PCDHA3: variants seen among roughly 807,000 people sequenced by gnomAD.
PCDHA3 encodes the protein protocadherin alpha-3.
PCDHA3 carries 41 observed loss-of-function variants against 62.2 expected under a neutral mutation model. The observed-to-expected ratio is 0.66, with a 90% CI of 0.51 to 0.86. The LOEUF (loss-of-function observed/expected upper bound fraction) is 0.86. PCDHA3 is among the 40% of genes least tolerant of loss of function. The probability of loss-of-function intolerance (pLI) is 0.00; values close to 1 mark genes in which losing one functional copy is unlikely to be tolerated. For missense variants in PCDHA3, 1,304 were observed against 1,241.2 expected (o/e 1.05, Z -0.76); for synonymous variants, 640 against 555.4 (o/e 1.15, Z -2.14).
chr5:140,838,939 AAAAT>A lies in PCDHA3; in HGVS notation c.2394+35352_2394+35355del, dbSNP rs140008993. 4.7e-3 allele frequency among the ~76,000 whole-genome samples: 708 copies of A among 152,118 alleles called. 10 individuals are homozygous for A. The highest frequency in any genetic ancestry group is 5.1e-3 in the Non-Finnish European group (345 of 67,986). ...CAAAAATAAAATAAAATGAAATAATAAAATAAAATAAAATAAAAACCCAGAACTG... is the reference window on the plus strand; with the variant it reads ...CAAAAATAAAATAAAATGAAATAATAAAAATAAAATAAAAACCCAGAACTG... On this transcript the variant is annotated intron_variant, in intron 1 of 3. Coordinates refer to ENST00000522353, the MANE Select transcript of PCDHA3 (RefSeq NM_018906.3).
chr5:140,813,435 TA>T (rs1765294823), intron 1 of PCDHA3: 1 of 152,198 alleles, frequency 6.6e-6, no homozygotes, highest in South Asian at 2.1e-4. Flanking sequence ...CTGAATACTA[TA>T]GGGAATTGTA....
Position 140,870,628 on chromosome 5 carries a change from G to A in PCDHA3, c.2394+67037G>A. The A allele has an allele frequency of 4.3e-6, 7 of 1,613,050 alleles. No individual in the cohort carries two copies. The highest frequency in any genetic ancestry group is 5.9e-6 in the Non-Finnish European group (7 of 1,179,794). Reference sequence around the variant, plus strand: ...CCGCGCGCTGTCGAGCTACGTGTCGGTGCACGCGGAGAGCGGCAAGGTGTA... The same window carrying A: ...CCGCGCGCTGTCGAGCTACGTGTCGATGCACGCGGAGAGCGGCAAGGTGTA... On this transcript the variant is annotated intron_variant, in intron 1 of 3. Transcript: ENST00000522353.
chr5:140,827,237 T>G (rs2150146778), intron 1 of PCDHA3, among the ~76,000 whole-genome samples: 1 of 152,254 alleles, frequency 6.6e-6, no homozygotes, highest in South Asian at 2.1e-4. Flanking sequence ...GGGACAGGGT[T>G]GAAGTTGAGA....
At chr5:140,870,993 A>G in intron 1 of PCDHA3, 1 of 1,613,424 alleles carries the variant, frequency 6.2e-7, no homozygotes, top group South Asian at 1.1e-5. Context: ...CGGGCGAGAT[A>G]AGCACAACGC....
rs782398517 is a variant in PCDHA3 at position 140,857,600 on chromosome 5, G to T, written c.2394+54009G>T. 9 of 1,596,344 alleles carry T rather than the reference G, an allele frequency of 5.6e-6. No homozygotes were observed. Among genetic ancestry groups the T allele is most frequent in the Non-Finnish European group, 7.7e-6 (9 of 1,167,692 alleles). On this transcript the variant is annotated intron_variant, in intron 1 of 3. Transcript: ENST00000522353. ...GCACGCGGAGAGCGGCAAGGTGTAC[G>T]CGCTGCAGCCGCTGGACCACGAGGA...
intron 3 of PCDHA3, among the ~76,000 whole-genome samples, chr5:140,982,826 T>C (rs193172264): frequency 1.1e-3 from 157 of 141,010 alleles, no homozygotes; most frequent in African/African-American, 3.0e-3. Context: ...GTTTTTGGGG[T>C]TTGTTTGTTT....
intron 1 of PCDHA3, among the ~76,000 whole-genome samples, chr5:140,819,220 C>T (rs1359956412): frequency 2.6e-5 from 4 of 152,084 alleles, no homozygotes; most frequent in Non-Finnish European, 5.9e-5. Flanking sequence ...TATACAATTG[C>T]TTCAACATTT....
At chr5:140,968,355 G>A in intron 1 of PCDHA3, 1 of 1,614,080 alleles carries the variant, frequency 6.2e-7, no homozygotes, top group South Asian at 1.1e-5. Context: ...GCCAGTGGCA[G>A]CCTTTATGCT....
chr5:140,826,656 C>T (rs1769003622), intron 1 of PCDHA3, among the ~76,000 whole-genome samples: 1 of 151,930 alleles, frequency 6.6e-6, no homozygotes, highest in East Asian at 1.9e-4. Context: ...AACATTTTTG[C>T]AAGTAAATTG....
At chr5:140,823,503 G>A in intron 1 of PCDHA3, 1 of 1,613,406 alleles carries the variant, frequency 6.2e-7, no homozygotes, top group South Asian at 1.1e-5. Flanking sequence ...GCGGCGCAGT[G>A]AGCGAGCTGG....
rs1554150153 is a variant in PCDHA3 at position 140,857,511 on chromosome 5, T to C, written c.2394+53920T>C. 5 of 1,598,148 alleles carry C rather than the reference T, an allele frequency of 3.1e-6. No homozygotes were observed. In the South Asian group the frequency reaches 5.5e-5, roughly 18 times the overall value. On this transcript the variant is annotated intron_variant, in intron 1 of 3. Transcript: ENST00000522353. ...GACGCGGACGCGCAGGAGAACGCCC[T>C]GGTGTCCTACTCTCTGGTGGAGCGG...
chr5:140,941,218 T>TCTTTCTTC, intron 1 of PCDHA3, among the ~76,000 whole-genome samples: 1 of 125,730 alleles, frequency 8.0e-6, no homozygotes, highest in African/African-American at 3.3e-5. Context: ...TTTCTTCCTT[T>TCTTTCTTC]CTTTCTTTCT....
intron 2 of PCDHA3, among the ~76,000 whole-genome samples, chr5:140,981,682 C>T (rs2096944253): frequency 6.6e-6 from 1 of 151,668 alleles, no homozygotes; most frequent in South Asian, 2.1e-4. Flanking sequence ...TCCTTCCTCC[C>T]TTCCATCATT....
chr5:140,927,401 G>A lies in PCDHA3; in HGVS notation c.2395-51548G>A, dbSNP rs782140870. On this transcript the variant is annotated intron_variant, in intron 1 of 3. Transcript: ENST00000522353. ...AGCCTAAGCCCCAGTCAGCACTTTCGCCTGGACATGGGATCGCGGGTTGAC... is the reference window on the plus strand; with the variant it reads ...AGCCTAAGCCCCAGTCAGCACTTTCACCTGGACATGGGATCGCGGGTTGAC... The A allele has an allele frequency of 1.9e-6, 3 of 1,614,192 alleles. No homozygotes were observed. Among genetic ancestry groups the A allele is most frequent in the Non-Finnish European group, 2.5e-6 (3 of 1,180,036 alleles).
chr5:140,841,942 G>A (rs782585839), intron 1 of PCDHA3: 15 of 1,613,920 alleles, frequency 9.3e-6, no homozygotes, highest in East Asian at 2.2e-5. Context: ...ACGCTCCTGC[G>A]CACCACTTAT....
At chr5:140,962,564 G>A (rs1224952009) in intron 1 of PCDHA3, among the ~76,000 whole-genome samples, 2 of 152,124 alleles carry the variant, frequency 1.3e-5, no homozygotes, top group Non-Finnish European at 2.9e-5. Context: ...CCCCCTAAAA[G>A]CCAATTGTTA....
chr5:140,850,745 C>T, intron 1 of PCDHA3: 1 of 1,597,954 alleles, frequency 6.3e-7, no homozygotes. Context: ...GTTGGTCGTA[C>T]TCGCAGCAGA....
In PCDHA3 at chr5:140,984,898, A is replaced by G. The variant is rs551340383; in HGVS notation, c.2542+2335A>G. ...GTTACCATGAGAACTAAAGGAGAAA[A>G]AAAGAACTGAGCATAGTGCTTGACA... On this transcript the variant is annotated intron_variant, in intron 3 of 3. Transcript: ENST00000522353. Among the ~76,000 whole-genome samples, 21 of 152,282 alleles carry G rather than the reference A, an allele frequency of 1.4e-4. No individual in the cohort carries two copies. The South Asian group carries it at 4.4e-3, about 32-fold the overall frequency.
chr5:140,808,971 G>T (rs1441304336), intron 1 of PCDHA3: 2 of 1,613,598 alleles, frequency 1.2e-6, no homozygotes, highest in African/African-American at 1.3e-5. Context: ...GCAAAGGTGC[G>T]CGCGGTGGAT....
Sources: gnomAD v4.1 joint callset for allele counts (sites outside exome capture counted in the v4.1 genomes callset) on GRCh38, gnomAD v4.1.1 for gene constraint, MANE v1.5 for transcripts, NCBI Gene and HGNC (gene_info 2026-07-23, HGNC 2026-07-21) for gene names.